Variants in C14orf39 observed in about 807,000 individuals in gnomAD.
C14orf39 encodes chromosome 14 open reading frame 39.
In C14orf39, 66 loss-of-function variants were observed where a neutral mutation model predicts 85.6. The ratio of observed to expected loss-of-function variants is 0.77; its 90% CI spans 0.63 to 0.95. C14orf39 has a LOEUF of 0.95. Among genes scored for constraint, C14orf39 ranks in the 40% least tolerant of loss-of-function variants. C14orf39 has a pLI of 0.00. For missense variants in C14orf39, 735 were observed against 663.9 expected (o/e 1.11, Z -1.18); for synonymous variants, 242 against 214.0 (o/e 1.13, Z -1.14).
intron 1 of C14orf39, among the ~76,000 whole-genome samples, chr14:60,485,595 G>T (rs966492963): frequency 2.0e-5 from 3 of 152,190 alleles, no homozygotes; most frequent in Admixed American, 6.5e-5. Context: ...GGTTTTCACA[G>T]AACAGCCAAT....
At chr14:60,497,898 GA>G (rs1387645396) in intron 2 of C14orf39, among the ~76,000 whole-genome samples, 2 of 150,890 alleles carry the variant, frequency 1.3e-5, no homozygotes, top group African/African-American at 2.4e-5. Context: ...AAAGAAAAAA[GA>G]AAAAAAGAGA....
chr14:60,473,522 T>A (rs557357528), intron 5 of C14orf39, among the ~76,000 whole-genome samples: 62 of 152,266 alleles, frequency 4.1e-4, no homozygotes, highest in Non-Finnish European at 8.1e-4. Context: ...TCTCCTAGGG[T>A]TTCATGGTTT....
Position 60,469,660 on chromosome 14 carries a change from AT to A in C14orf39, c.555-8del, listed in dbSNP as rs1891974948. 8.6e-7 allele frequency: 1 copy of A among 1,168,864 alleles called. No homozygotes were observed. The highest frequency in any genetic ancestry group is 1.8e-5 in the South Asian group (1 of 54,132). The allele number at this position is 1,168,864 out of a possible 1,614,324, so 72.4% of individuals were successfully genotyped here. A position where few individuals can be genotyped will look rare whatever the true frequency, so the allele number is the denominator to read the frequency against. On this transcript the variant is annotated splice_polypyrimidine_tract_variant and splice_region_variant and intron_variant, in intron 7 of 17. Coordinates refer to ENST00000321731, the MANE Select transcript of C14orf39 (RefSeq NM_174978.3). ...TTCACATCTCAAATTAACACTTTTT[AT>A]GTTAAGGAACTATGTCATATAAGTA...
At chr14:60,486,589 G>A (rs1014377226), upstream of C14orf39, among the ~76,000 whole-genome samples, 4 of 152,138 alleles carry the variant, frequency 2.6e-5, no homozygotes, top group African/African-American at 9.7e-5. Flanking sequence ...GGTAATTTAT[G>A]CTCTTAGGCT....
chr14:60,494,059 C>A, intron 2 of C14orf39: 1 of 272,106 alleles, frequency 3.7e-6, no homozygotes, highest in South Asian at 5.3e-5. Flanking sequence ...ACGGAGATTT[C>A]ATTGTTCTTC....
chr14:60,468,671 A>G (rs1891917490), intron 8 of C14orf39, 135 bp from the exon 9 acceptor site: 1 of 446,984 alleles, frequency 2.2e-6, no homozygotes, highest in Non-Finnish European at 3.8e-6. Context: ...TTCTATTTAC[A>G]GTTATTAAAA....
At chr14:60,465,894 G>T in intron 11 of C14orf39, 85 bp downstream of exon 11, 2 of 499,890 alleles carry the variant, frequency 4.0e-6, no homozygotes, top group East Asian at 3.6e-5. Context: ...ACACACACAC[G>T]TCTGTGTCTT....
chr14:60,480,675 T>C (rs1420981410), intron 4 of C14orf39, among the ~76,000 whole-genome samples: 1 of 152,200 alleles, frequency 6.6e-6, no homozygotes, highest in Non-Finnish European at 1.5e-5. Context: ...TTAGCATTAT[T>C]CATAATATCA....
At chr14:60,487,299 A>G (rs922049280), upstream of C14orf39, among the ~76,000 whole-genome samples, 1 of 152,032 alleles carries the variant, frequency 6.6e-6, no homozygotes, top group Non-Finnish European at 1.5e-5. Context: ...TCCCCCAGCC[A>G]CTGGCAACCA....
intron 1 of C14orf39, among the ~76,000 whole-genome samples, chr14:60,506,377 G>A (rs1168248588): frequency 6.6e-6 from 1 of 152,202 alleles, no homozygotes. Flanking sequence ...ATTAAGAAAA[G>A]CCAGCCCGAA....
upstream of C14orf39, among the ~76,000 whole-genome samples, chr14:60,487,492 C>CGTGTGTGTGTGTGTGT (rs1308228152): frequency 2.0e-4 from 30 of 150,246 alleles, no homozygotes; most frequent in African/African-American, 4.4e-4. Flanking sequence ...AATAAAAGTC[C>CGTGTGTGTGTGTGTGT]GTGTGTGTGT....
intron 1 of C14orf39, among the ~76,000 whole-genome samples, chr14:60,505,024 T>C (rs562301911): frequency 2.0e-5 from 3 of 152,358 alleles, no homozygotes; most frequent in South Asian, 2.1e-4. Context: ...TAAAAATAGC[T>C]GATGAAGAAT....
chr14:60,453,211 C>T (rs1891117478), intron 16 of C14orf39, among the ~76,000 whole-genome samples: 1 of 151,990 alleles, frequency 6.6e-6, no homozygotes, highest in Non-Finnish European at 1.5e-5. Flanking sequence ...AATTCTGTTA[C>T]ATTTTGTTTC....
intron 11 of C14orf39, among the ~76,000 whole-genome samples, chr14:60,462,702 T>C (rs1353518070): frequency 6.6e-6 from 1 of 152,156 alleles, no homozygotes; most frequent in Admixed American, 6.6e-5. Context: ...GCCTGCAGGC[T>C]GCATGCAGTC....
At chr14:60,449,142 A>G (rs1050990309) in intron 16 of C14orf39, among the ~76,000 whole-genome samples, 4 of 152,200 alleles carry the variant, frequency 2.6e-5, no homozygotes, top group Admixed American at 2.0e-4. Context: ...CTATGTAACA[A>G]ACCTGCATGT....
intron 17 of C14orf39, among the ~76,000 whole-genome samples, chr14:60,440,451 C>T (rs1280494361): frequency 6.6e-6 from 1 of 152,142 alleles, no homozygotes; most frequent in Admixed American, 6.5e-5. Flanking sequence ...GCAAATTCTT[C>T]CAGCTCTATC....
intron 5 of C14orf39, among the ~76,000 whole-genome samples, chr14:60,473,025 T>A (rs1397403223): frequency 6.6e-6 from 1 of 152,138 alleles, no homozygotes; most frequent in South Asian, 2.1e-4. Context: ...CCACCAACAG[T>A]GTAAAAGTGT....
At chr14:60,514,545 T>A (rs1010124848) in intron 1 of C14orf39, among the ~76,000 whole-genome samples, 6 of 152,070 alleles carry the variant, frequency 3.9e-5, no homozygotes, top group Non-Finnish European at 8.8e-5. Flanking sequence ...TCGCCTCCAC[T>A]TTAATGACCC....
intron 16 of C14orf39, among the ~76,000 whole-genome samples, chr14:60,442,579 C>G (rs554117518): frequency 5.3e-5 from 8 of 152,184 alleles, no homozygotes; most frequent in Admixed American, 2.0e-4. Context: ...TTCTGTGCAC[C>G]TTTTTCCTCT....
Sources: gnomAD v4.1 joint callset for allele counts (sites outside exome capture counted in the v4.1 genomes callset) on GRCh38, gnomAD v4.1.1 for gene constraint, MANE v1.5 for transcripts, NCBI Gene and HGNC (gene_info 2026-07-23, HGNC 2026-07-21) for gene names.